The following NELL1 variants were observed in gnomAD, a reference collection of about 807,000 sequenced individuals.
The protein encoded by NELL1 is protein kinase C-binding protein NELL1.
NELL1 carries 76 observed loss-of-function variants against 107.4 expected under a neutral mutation model. That is an observed-to-expected ratio of 0.71 (90% CI 0.59 to 0.86). The LOEUF (loss-of-function observed/expected upper bound fraction) is 0.86. Among genes scored for constraint, NELL1 ranks in the 40% least tolerant of loss-of-function variants. The pLI is 0.00. For missense variants in NELL1, 1,024 were observed against 1,005.5 expected, an observed-to-expected ratio of 1.02 and a Z score of -0.25; for synonymous variants, 353 against 341.2, an observed-to-expected ratio of 1.03 and a Z score of -0.38.
chr11:21,434,260 T>C lies in NELL1; in HGVS notation c.1645+63312T>C, dbSNP rs966356013. ...CTTCTAAAATCTTACCCATAAAATC[T>C]GTACCAAGACCAATGTTCTGAAGCA... On this transcript the variant is annotated intron_variant, in intron 15 of 19. Transcript: ENST00000357134. Among the ~76,000 whole-genome samples the C allele has an allele frequency of 2.0e-5, 3 of 152,318 alleles. No homozygotes were observed. The East Asian group carries it at 5.8e-4, about 29-fold the overall frequency.
chr11:20,727,188 G>A (rs1855527007), intron 2 of NELL1, among the ~76,000 whole-genome samples: 1 of 152,136 alleles, frequency 6.6e-6, no homozygotes, highest in Non-Finnish European at 1.5e-5. Flanking sequence ...TTCCACAATG[G>A]TTGAACTAGT....
intron 14 of NELL1, among the ~76,000 whole-genome samples, chr11:21,313,998 C>G (rs1310745593): frequency 8.2e-5 from 2 of 24,274 alleles, no homozygotes; most frequent in South Asian, 2.0e-3. Flanking sequence ...CTCTGCCCCC[C>G]CCCCCCCCCC....
chr11:20,736,993 T>A (rs754129640), intron 2 of NELL1, among the ~76,000 whole-genome samples: 31 of 152,118 alleles, frequency 2.0e-4, no homozygotes, highest in Non-Finnish European at 4.0e-4. Flanking sequence ...GACCTCATGA[T>A]CTGCCTGCCT....
At chr11:20,884,079 G>C (rs922193893) in intron 4 of NELL1, among the ~76,000 whole-genome samples, 3 of 152,218 alleles carry the variant, frequency 2.0e-5, no homozygotes, top group Admixed American at 6.5e-5. Flanking sequence ...AGAAAGACCT[G>C]ATGTGCTTGG....
intron 4 of NELL1, among the ~76,000 whole-genome samples, chr11:20,862,129 GA>G (rs1848989680): frequency 6.6e-6 from 1 of 152,174 alleles, no homozygotes; most frequent in Admixed American, 6.5e-5. Flanking sequence ...CTTTTCTCTG[GA>G]AAATTAGCAC....
At chr11:21,249,713 T>G (rs1858589454) in intron 14 of NELL1, among the ~76,000 whole-genome samples, 1 of 152,180 alleles carries the variant, frequency 6.6e-6, no homozygotes, top group Non-Finnish European at 1.5e-5. Flanking sequence ...CTGCATTACT[T>G]GATGCTAATG....
At chr11:20,887,246 G>C (rs955614917) in intron 5 of NELL1, among the ~76,000 whole-genome samples, 2 of 152,134 alleles carry the variant, frequency 1.3e-5, no homozygotes, top group Non-Finnish European at 2.9e-5. Flanking sequence ...TTCTTCAGTT[G>C]ATGGACATCT....
intron 15 of NELL1, among the ~76,000 whole-genome samples, chr11:21,389,552 TAACAAACTTTTGAA>T (rs1851820938): frequency 1.3e-5 from 2 of 151,736 alleles, no homozygotes; most frequent in African/African-American, 4.8e-5. Flanking sequence ...CACAAAAAGT[TAACAAACTTTTGAA>T]AACTATGATA....
At chr11:21,560,465 C>T (rs1287736029) in intron 17 of NELL1, 83 bp downstream of exon 17, 11 of 1,252,016 alleles carry the variant, frequency 8.8e-6, no homozygotes, top group Non-Finnish European at 1.1e-5. Flanking sequence ...CTCTCTCCCT[C>T]TTGCTGTTGA....
At chr11:20,727,629 T>A (rs1855538499) in intron 2 of NELL1, among the ~76,000 whole-genome samples, 1 of 152,228 alleles carries the variant, frequency 6.6e-6, no homozygotes, top group African/African-American at 2.4e-5. Context: ...TTTTGGCTTT[T>A]GTTGCCATTG....
At chr11:21,059,336 AT>A (rs145999265) in intron 12 of NELL1, among the ~76,000 whole-genome samples, 2,796 of 150,828 alleles carry the variant, frequency 0.019, 68 homozygotes, top group African/African-American at 0.064. Flanking sequence ...CTCAGTGAAC[AT>A]TTGCTGCCTT....
chr11:21,351,851 A>G (rs570482813), intron 14 of NELL1, among the ~76,000 whole-genome samples: 1 of 152,120 alleles, frequency 6.6e-6, no homozygotes, highest in South Asian at 2.1e-4. Flanking sequence ...CCTAAGTAAC[A>G]TAATGTCATT....
intron 13 of NELL1, among the ~76,000 whole-genome samples, chr11:21,166,648 A>C (rs1490276345): frequency 2.6e-5 from 4 of 151,888 alleles, no homozygotes; most frequent in Admixed American, 2.6e-4. Flanking sequence ...GCGCACAAAA[A>C]ATCTGTCTTT....
At chr11:20,995,684 CA>C (rs1260349203) in intron 12 of NELL1, among the ~76,000 whole-genome samples, 1 of 152,136 alleles carries the variant, frequency 6.6e-6, no homozygotes, top group Non-Finnish European at 1.5e-5. Flanking sequence ...TCCCTTCAAC[CA>C]GCTTTCTTTG....
intron 2 of NELL1, among the ~76,000 whole-genome samples, chr11:20,774,856 T>C (rs118098759): frequency 0.019 from 2,886 of 152,182 alleles, 33 homozygotes; most frequent in South Asian, 0.042. Context: ...TTGTACACTA[T>C]GTGATGAGTA....
At chr11:21,102,461 C>T (rs951030071) in intron 12 of NELL1, among the ~76,000 whole-genome samples, 2 of 152,104 alleles carry the variant, frequency 1.3e-5, no homozygotes, top group East Asian at 3.9e-4. Flanking sequence ...TGGCTCTGCC[C>T]CTTACCTGCT....
At chr11:20,700,304 C>A (rs1456228218) in intron 2 of NELL1, among the ~76,000 whole-genome samples, 1 of 152,072 alleles carries the variant, frequency 6.6e-6, no homozygotes, top group Admixed American at 6.6e-5. Context: ...TATAGTGAAA[C>A]CCCGTCTCTA....
intron 12 of NELL1, among the ~76,000 whole-genome samples, chr11:20,981,380 C>G (rs1257344385): frequency 6.6e-6 from 1 of 152,034 alleles, no homozygotes; most frequent in Non-Finnish European, 1.5e-5. Flanking sequence ...GTGGGTATGA[C>G]AGAAAAGAGT....
intron 17 of NELL1, among the ~76,000 whole-genome samples, chr11:21,565,976 T>A (rs1220216297): frequency 1.3e-5 from 2 of 151,950 alleles, no homozygotes; most frequent in South Asian, 2.1e-4. Context: ...CCTAATTTCA[T>A]AGTCTATATC....
Sources: allele counts gnomAD v4.1 joint callset (sites outside exome capture counted in the v4.1 genomes callset), GRCh38; gene constraint gnomAD v4.1.1; transcripts MANE v1.5; gene names NCBI Gene and HGNC (gene_info 2026-07-23, HGNC 2026-07-21).